The following NELL1 variants were observed in gnomAD, a reference collection of about 807,000 sequenced individuals.
NELL1 encodes the protein protein kinase C-binding protein NELL1.
Under a neutral mutation model 107.4 loss-of-function variants are expected in NELL1, and 76 were observed. The observed-to-expected ratio is 0.71, with a 90% CI of 0.59 to 0.86. NELL1 has a LOEUF of 0.86. NELL1 is among the 40% of genes least tolerant of loss of function. The pLI, the probability that NELL1 is intolerant of heterozygous loss-of-function variation, is 0.00. For missense variants in NELL1, 1,024 were observed against 1,005.5 expected (o/e 1.02, Z -0.25); for synonymous variants, 353 against 341.2 (o/e 1.03, Z -0.38).
intron 15 of NELL1, among the ~76,000 whole-genome samples, chr11:21,470,053 A>G (rs1386712973): frequency 1.3e-5 from 2 of 152,016 alleles, no homozygotes; most frequent in African/African-American, 4.8e-5. Flanking sequence ...GTAATTAACA[A>G]TTACTCTATG....
chr11:21,048,248 AG>A (rs1311272888), intron 12 of NELL1, among the ~76,000 whole-genome samples: 1 of 152,112 alleles, frequency 6.6e-6, no homozygotes, highest in African/African-American at 2.4e-5. Context: ...AATAATTGCT[AG>A]ATGTCTTTTC....
At chr11:21,308,815 T>A (rs1849664851) in intron 14 of NELL1, among the ~76,000 whole-genome samples, 1 of 152,028 alleles carries the variant, frequency 6.6e-6, no homozygotes, top group Non-Finnish European at 1.5e-5. Context: ...AGTGCTTAAT[T>A]TCCTCCTTGA....
intron 13 of NELL1, among the ~76,000 whole-genome samples, chr11:21,132,178 G>A (rs1855633762): frequency 6.8e-6 from 1 of 147,218 alleles, no homozygotes; most frequent in South Asian, 2.2e-4. Context: ...GGATTAGCCT[G>A]TATTTTGTGT....
intron 2 of NELL1, among the ~76,000 whole-genome samples, chr11:20,757,762 T>G (rs1027139283): frequency 1.3e-5 from 2 of 152,246 alleles, no homozygotes; most frequent in African/African-American, 4.8e-5. Flanking sequence ...TGGAATCTCC[T>G]GCCTCCAAAA....
chr11:20,751,846 CACTTA>C (rs1856148276), intron 2 of NELL1, among the ~76,000 whole-genome samples: 1 of 152,052 alleles, frequency 6.6e-6, no homozygotes, highest in African/African-American at 2.4e-5. Context: ...AATGGTATTA[CACTTA>C]ACTTTCATTT....
chr11:20,715,028 GGT>G (rs1411252266), intron 2 of NELL1, among the ~76,000 whole-genome samples: 1 of 152,046 alleles, frequency 6.6e-6, no homozygotes, highest in Admixed American at 6.5e-5. Context: ...CGGATCACGA[GGT>G]CAGGAGATCG....
At chr11:21,267,268 T>C (rs1485667224) in intron 14 of NELL1, among the ~76,000 whole-genome samples, 1 of 152,116 alleles carries the variant, frequency 6.6e-6, no homozygotes. Flanking sequence ...ATATCATGAA[T>C]AAATAGAAAT....
intron 2 of NELL1, among the ~76,000 whole-genome samples, chr11:20,727,075 AT>A (rs1483099960): frequency 6.6e-6 from 1 of 152,132 alleles, no homozygotes; most frequent in Admixed American, 6.5e-5. Flanking sequence ...ATGTGTCTTT[AT>A]AGTAGCATGA....
At chr11:21,401,876 CTACTT>C (rs770167409) in intron 15 of NELL1, among the ~76,000 whole-genome samples, 1 of 151,708 alleles carries the variant, frequency 6.6e-6, no homozygotes, top group Non-Finnish European at 1.5e-5. Context: ...ATAATAACCT[CTACTT>C]TACAAAATTG....
intron 3 of NELL1, among the ~76,000 whole-genome samples, chr11:20,791,847 A>G (rs534457266): frequency 2.0e-5 from 3 of 149,484 alleles, no homozygotes; most frequent in South Asian, 2.1e-4. Flanking sequence ...TTCACATGCT[A>G]TTTCTATATC....
chr11:21,523,817 T>C lies in NELL1; in HGVS notation c.1646-10557T>C, dbSNP rs1004358662. On this transcript the variant is annotated intron_variant, in intron 15 of 19. Coordinates refer to ENST00000357134, the MANE Select transcript of NELL1 (RefSeq NM_006157.5). ...ATACTTGTAGCACTCTTATCATTTG[T>C]TTTATGTCTCTTGGGGATCACTTTC... 3.3e-5 allele frequency among the ~76,000 whole-genome samples: 5 copies of C among 152,164 alleles called. No individual in the cohort carries two copies. The East Asian group carries it at 5.8e-4, about 18-fold the overall frequency.
At chr11:21,238,101 T>C (rs1858256838) in intron 14 of NELL1, among the ~76,000 whole-genome samples, 1 of 152,044 alleles carries the variant, frequency 6.6e-6, no homozygotes, top group Non-Finnish European at 1.5e-5. Flanking sequence ...CATAGTAGAC[T>C]TCTCATTTCT....
chr11:20,952,434 A>G (rs1383369465), intron 11 of NELL1, among the ~76,000 whole-genome samples: 3 of 152,108 alleles, frequency 2.0e-5, no homozygotes, highest in African/African-American at 7.2e-5. Context: ...TTTTCCTCCC[A>G]CCCAGTCTTC....
intron 15 of NELL1, among the ~76,000 whole-genome samples, chr11:21,523,083 G>A (rs1355487725): frequency 6.6e-6 from 1 of 151,800 alleles, no homozygotes; most frequent in Admixed American, 6.6e-5. Flanking sequence ...TCCTGACCTC[G>A]TGATCCGCCC....
chr11:21,073,919 G>A (rs992163054), intron 12 of NELL1, among the ~76,000 whole-genome samples: 1 of 151,990 alleles, frequency 6.6e-6, no homozygotes, highest in Non-Finnish European at 1.5e-5. Context: ...CTTCTTTTAG[G>A]CAAACAACAA....
intron 12 of NELL1, among the ~76,000 whole-genome samples, chr11:21,008,978 A>G (rs764068561): frequency 2.0e-5 from 3 of 152,114 alleles, no homozygotes; most frequent in Non-Finnish European, 2.9e-5. Context: ...ACGGGATCCA[A>G]TCAGGTTCAT....
At chr11:21,406,016 T>TA (rs1852226102) in intron 15 of NELL1, among the ~76,000 whole-genome samples, 1 of 151,940 alleles carries the variant, frequency 6.6e-6, no homozygotes, top group Non-Finnish European at 1.5e-5. Context: ...TATTGGCCCC[T>TA]CCATTTGTAA....
At chr11:21,573,151 CAAT>C in intron 18 of NELL1, 31 bp from the exon 19 acceptor site, 1 of 1,535,878 alleles carries the variant, frequency 6.5e-7, no homozygotes. Context: ...TGCATAGGAA[CAAT>C]AATGAGACAT....
intron 12 of NELL1, among the ~76,000 whole-genome samples, chr11:21,073,202 T>C (rs574164899): frequency 6.6e-6 from 1 of 152,276 alleles, no homozygotes; most frequent in South Asian, 2.1e-4. Context: ...CTCTAGCATT[T>C]TGTAAATAAT....
Sources: allele counts gnomAD v4.1 joint callset (sites outside exome capture counted in the v4.1 genomes callset), GRCh38; gene constraint gnomAD v4.1.1; transcripts MANE v1.5; gene names NCBI Gene and HGNC (gene_info 2026-07-23, HGNC 2026-07-21).